NEDD4L: variants seen among roughly 807,000 people sequenced by gnomAD.
The protein encoded by NEDD4L is E3 ubiquitin-protein ligase NEDD4-like.
In NEDD4L, 54 loss-of-function variants were observed where a neutral mutation model predicts 148.9. The ratio of observed to expected loss-of-function variants is 0.36; its 90% confidence interval spans 0.29 to 0.45. NEDD4L has a LOEUF of 0.45. Among genes scored for constraint, NEDD4L ranks in the 20% least tolerant of loss-of-function variants. The pLI, the probability that NEDD4L is intolerant of heterozygous loss-of-function variation, is 1.00. For synonymous variants in NEDD4L, 433 were observed against 440.7 expected, an observed-to-expected ratio of 0.98 and a Z score of 0.22; for missense variants, 856 against 1,233.8, an observed-to-expected ratio of 0.69 and a Z score of 4.59.
At chr18:58,167,533 C>G (rs573586137) in intron 2 of NEDD4L, among the ~76,000 whole-genome samples, 39 of 152,310 alleles carry the variant, frequency 2.6e-4, no homozygotes, top group African/African-American at 8.7e-4. Context: ...GTGTGTCTTT[C>G]CTCTCCTAAT....
intron 1 of NEDD4L, among the ~76,000 whole-genome samples, chr18:58,108,543 C>G (rs2085220991): frequency 6.6e-6 from 1 of 152,166 alleles, no homozygotes; most frequent in Admixed American, 6.5e-5. Flanking sequence ...GTCTCAGCCT[C>G]CCGAGTAGCT....
chr18:58,117,541 C>T (rs1244252317), intron 1 of NEDD4L, among the ~76,000 whole-genome samples: 1 of 152,198 alleles, frequency 6.6e-6, no homozygotes, highest in Non-Finnish European at 1.5e-5. Context: ...ATCCTCATCG[C>T]TTCACAGTTG....
intron 5 of NEDD4L, among the ~76,000 whole-genome samples, chr18:58,269,221 T>C (rs1009692921): frequency 1.3e-5 from 2 of 151,924 alleles, no homozygotes; most frequent in Non-Finnish European, 1.5e-5. Context: ...GTGTGTTAGC[T>C]GGGGAGATGG....
At chr18:58,287,975 T>C (rs760952265) in intron 5 of NEDD4L, among the ~76,000 whole-genome samples, 3 of 152,244 alleles carry the variant, frequency 2.0e-5, no homozygotes, top group African/African-American at 4.8e-5. Flanking sequence ...TTCAGATTCA[T>C]ATACAGCTGA....
At chr18:58,113,182 G>A (rs993262161) in intron 1 of NEDD4L, among the ~76,000 whole-genome samples, 1 of 152,218 alleles carries the variant, frequency 6.6e-6, no homozygotes, top group Non-Finnish European at 1.5e-5. Flanking sequence ...AGCTTCTAAA[G>A]GGGAGCAATG....
At chr18:58,233,882 G>A (rs188902141) in intron 2 of NEDD4L, among the ~76,000 whole-genome samples, 15 of 152,222 alleles carry the variant, frequency 9.9e-5, no homozygotes, top group Admixed American at 2.6e-4. Flanking sequence ...TGCCAGCAGC[G>A]TTCTCTGTTC....
At chr18:58,262,175 A>T (rs936826569) in intron 5 of NEDD4L, among the ~76,000 whole-genome samples, 1 of 152,232 alleles carries the variant, frequency 6.6e-6, no homozygotes, top group Non-Finnish European at 1.5e-5. Context: ...AGAAGGCCAA[A>T]GGACGGAATG....
chr18:58,087,645 C>T (rs1316862804), intron 1 of NEDD4L, among the ~76,000 whole-genome samples: 10 of 152,058 alleles, frequency 6.6e-5, no homozygotes, highest in African/African-American at 9.7e-5. Context: ...GAGGCCGAGG[C>T]GGGCGGATCA....
intron 5 of NEDD4L, among the ~76,000 whole-genome samples, chr18:58,261,784 T>C (rs1196672287): frequency 6.6e-6 from 1 of 152,212 alleles, no homozygotes; most frequent in African/African-American, 2.4e-5. Context: ...TAGCACATTT[T>C]TTAATAAAAA....
Position 58,256,146 on chromosome 18 carries a change from C to A in NEDD4L, c.297+4092C>A, listed in dbSNP as rs1388708433. 36 of 1,222,338 alleles carry A rather than the reference C, an allele frequency of 2.9e-5. No homozygotes were observed. In the Middle Eastern group the frequency reaches 9.5e-4, roughly 32 times the overall value. 75.7% of individuals were successfully genotyped at this position (1,222,338 alleles called of 1,614,324 possible). On this transcript the variant is annotated intron_variant, in intron 5 of 30. Coordinates refer to ENST00000400345, the MANE Select transcript of NEDD4L (RefSeq NM_001144967.3). This position sits in a 1 kb window ranked among gnomAD's most constrained non-coding sequence, Gnocchi z 5.2. ...GACCCAGGGCTCCAGGTCAACGGCA[C>A]GTGCGGCCGCCGCGTGCGGTGCTCC...
intron 5 of NEDD4L, among the ~76,000 whole-genome samples, chr18:58,305,828 G>A (rs1314157193): frequency 6.6e-6 from 1 of 151,502 alleles, no homozygotes; most frequent in Admixed American, 6.6e-5. Flanking sequence ...TTCCATTGCT[G>A]TCATCTAAAA....
intron 1 of NEDD4L, among the ~76,000 whole-genome samples, chr18:58,094,471 G>A (rs2084260209): frequency 6.6e-6 from 1 of 151,816 alleles, no homozygotes; most frequent in South Asian, 2.1e-4. Flanking sequence ...ACAGACGTGA[G>A]CCACTGCACC....
At chr18:58,299,774 T>A (rs1338645625) in intron 5 of NEDD4L, among the ~76,000 whole-genome samples, 3 of 152,322 alleles carry the variant, frequency 2.0e-5, no homozygotes, top group East Asian at 3.9e-4. Context: ...TGTCTTTTTT[T>A]AAAAATAAGG....
rs760992833 is a variant in NEDD4L at position 58,325,026 on chromosome 18, T to C, written c.544T>C (p.Ser182Pro). 1.2e-5 allele frequency: 20 copies of C among 1,613,856 alleles called. No homozygotes were observed. Among genetic ancestry groups the C allele is most frequent in the Middle Eastern group, 3.3e-4 (2 of 6,084 alleles). The change falls in exon 9 of 31, where the codon TCG becomes CCG. Residue 182 changes from serine to proline, a missense_variant. Around this residue, in one of 4 missense-constraint regions of NEDD4L, gnomAD observed 193 missense variants for 244.2 expected, o/e 0.79. Transcript: ENST00000400345. ...ATGGGAAGTTGTTGACTCAAATGAC[T>C]CGGCTTCTCAGCACCAAGAGGAACT... ...HGWEVVDSND[S>P]ASQHQEELPP...
chr18:58,373,398 C>T, intron 24 of NEDD4L, 129 bp downstream of exon 24: 2 of 634,684 alleles, frequency 3.2e-6, no homozygotes, highest in South Asian at 3.6e-5. Flanking sequence ...TAATTTTCAT[C>T]TCATTGTAGC....
intron 2 of NEDD4L, among the ~76,000 whole-genome samples, chr18:58,217,728 T>C (rs2043297505): frequency 6.6e-6 from 1 of 152,232 alleles, no homozygotes; most frequent in African/African-American, 2.4e-5. Flanking sequence ...TTGATCTACC[T>C]GTAGAGCCAA....
intron 7 of NEDD4L, 114 bp from the exon 8 acceptor site, chr18:58,323,118 T>A: frequency 2.0e-6 from 1 of 492,346 alleles, no homozygotes; most frequent in Non-Finnish European, 3.7e-6. Flanking sequence ...TGGGTATGGG[T>A]GGGTGGGGAT....
chr18:58,114,358 A>ATATT (rs1373455652), intron 1 of NEDD4L, among the ~76,000 whole-genome samples: 7 of 149,632 alleles, frequency 4.7e-5, no homozygotes, highest in African/African-American at 1.7e-4. Flanking sequence ...ATATATATAT[A>ATATT]TATACACACA....
chr18:58,213,551 C>T (rs917985551), intron 2 of NEDD4L, among the ~76,000 whole-genome samples: 16 of 152,138 alleles, frequency 1.1e-4, no homozygotes, highest in Non-Finnish European at 1.5e-5. Flanking sequence ...TGAAAATGCT[C>T]ATTCTGTATG....
Sources: gnomAD v4.1 joint callset for allele counts (sites outside exome capture counted in the v4.1 genomes callset) on GRCh38, gnomAD v4.1.1 for gene constraint, gnomAD v4.1.1 regional missense constraint, Gnocchi (gnomAD v3.1) non-coding constraint, MANE v1.5 for transcripts, NCBI Gene and HGNC (gene_info 2026-07-23, HGNC 2026-07-21) for gene names.